The following PCDH15 variants were observed in gnomAD, a reference collection of about 807,000 sequenced individuals.
The protein encoded by PCDH15 is protocadherin-15.
Under a neutral mutation model 178.5 loss-of-function variants are expected in PCDH15, and 129 were observed. That is an observed-to-expected ratio of 0.72 (90% CI 0.63 to 0.84). PCDH15 has a LOEUF of 0.84. Among genes scored for constraint, PCDH15 ranks in the 40% least tolerant of loss-of-function variants. The pLI is 0.00. For missense variants in PCDH15, 2,230 were observed against 2,099.9 expected (o/e 1.06, Z -1.21); for synonymous variants, 800 against 732.0 (o/e 1.09, Z -1.50).
chr10:53,829,728 G>A (rs1414944086), intron 30 of PCDH15, among the ~76,000 whole-genome samples: 1 of 152,074 alleles, frequency 6.6e-6, no homozygotes, highest in African/African-American at 2.4e-5. Context: ...GGAATTACTT[G>A]AAAAGTAATG....
chr10:53,906,309 T>C (rs1240553018), intron 25 of PCDH15, among the ~76,000 whole-genome samples: 1 of 152,134 alleles, frequency 6.6e-6, no homozygotes, highest in African/African-American at 2.4e-5. Context: ...GTATCCCTCC[T>C]TTGAAATGCT....
chr10:54,188,268 G>A (rs1220633262), intron 11 of PCDH15, among the ~76,000 whole-genome samples: 1 of 151,810 alleles, frequency 6.6e-6, no homozygotes, highest in Non-Finnish European at 1.5e-5. Flanking sequence ...AGAGTAACTT[G>A]AGTCAACACT....
chr10:55,509,059 T>C (rs10763215), intron 2 of PCDH15, among the ~76,000 whole-genome samples: 47,960 of 151,416 alleles, frequency 0.32, 8,241 homozygotes, highest in East Asian at 0.51. Flanking sequence ...TTGATGCAAA[T>C]ACATGACAGA....
chr10:54,375,898 A>ATATATATAAT (rs1554938299), intron 4 of PCDH15, among the ~76,000 whole-genome samples: 5 of 139,570 alleles, frequency 3.6e-5, no homozygotes, highest in African/African-American at 8.1e-5. Flanking sequence ...TATATATATA[A>ATATATATAAT]TTTTTTTTCT....
intron 2 of PCDH15, among the ~76,000 whole-genome samples, chr10:55,109,223 A>G (rs1344513546): frequency 6.6e-6 from 1 of 152,224 alleles, no homozygotes; most frequent in African/African-American, 2.4e-5. Context: ...ACTAAGATTC[A>G]TAACCACTTC....
At chr10:55,348,148 C>T (rs1844813198) in intron 2 of PCDH15, among the ~76,000 whole-genome samples, 1 of 152,110 alleles carries the variant, frequency 6.6e-6, no homozygotes, top group Non-Finnish European at 1.5e-5. Flanking sequence ...TTGTCCCATG[C>T]TTCCCTTTCC....
intron 2 of PCDH15, among the ~76,000 whole-genome samples, chr10:54,583,688 C>G (rs1055648081): frequency 6.6e-6 from 1 of 152,076 alleles, no homozygotes; most frequent in African/African-American, 2.4e-5. Context: ...TCAACCATAT[C>G]AGTTGCTTCA....
chr10:54,965,901 T>C (rs1400375086), intron 2 of PCDH15, among the ~76,000 whole-genome samples: 1 of 150,834 alleles, frequency 6.6e-6, no homozygotes, highest in East Asian at 1.9e-4. Context: ...TGCACACATA[T>C]AATATATTAT....
chr10:54,905,506 CTAGT>C (rs1954704241), intron 2 of PCDH15, among the ~76,000 whole-genome samples: 1 of 152,032 alleles, frequency 6.6e-6, no homozygotes, highest in African/African-American at 2.4e-5. Flanking sequence ...TCTAATGCAA[CTAGT>C]TAATTATTTG....
intron 1 of PCDH15, among the ~76,000 whole-genome samples, chr10:54,666,508 G>A (rs2094573751): frequency 6.6e-6 from 1 of 151,936 alleles, no homozygotes; most frequent in African/African-American, 2.4e-5. Context: ...CTCTGAGAGA[G>A]ACATTCTAAC....
intron 3 of PCDH15, among the ~76,000 whole-genome samples, chr10:54,481,417 G>T (rs1294656010): frequency 6.6e-6 from 1 of 151,776 alleles, no homozygotes; most frequent in African/African-American, 2.4e-5. Flanking sequence ...ATGTGTGTGT[G>T]TGTGTTTGTG....
intron 29 of PCDH15, 81 bp from the exon 30 acceptor site, chr10:53,831,614 T>A: frequency 1.0e-6 from 1 of 996,138 alleles, no homozygotes; most frequent in East Asian, 2.6e-5. Context: ...TTGTAAGATC[T>A]TTCAATATTT....
At chr10:55,472,282 G>C (rs1450347907) in intron 2 of PCDH15, among the ~76,000 whole-genome samples, 3 of 151,942 alleles carry the variant, frequency 2.0e-5, no homozygotes, top group East Asian at 1.9e-4. Flanking sequence ...ATTTTTTTCA[G>C]ATTTCTCTAC....
At chr10:55,188,917 A>G (rs1238382753) in intron 1 of PCDH15, among the ~76,000 whole-genome samples, 3 of 151,956 alleles carry the variant, frequency 2.0e-5, no homozygotes, top group African/African-American at 7.2e-5. Context: ...AGAAACAGTT[A>G]CATGGAACTT....
intron 18 of PCDH15, among the ~76,000 whole-genome samples, chr10:54,063,694 G>A (rs1338701404): frequency 1.3e-5 from 2 of 152,156 alleles, no homozygotes; most frequent in Non-Finnish European, 2.9e-5. Flanking sequence ...GGCTAAATCC[G>A]ACACTTTGCC....
At chr10:54,888,202 G>T (rs1392388932) in intron 3 of PCDH15, among the ~76,000 whole-genome samples, 1 of 152,048 alleles carries the variant, frequency 6.6e-6, no homozygotes, top group East Asian at 1.9e-4. Context: ...GCTCTTCTCT[G>T]CTTTTGCCAT....
At chr10:55,609,619 C>T (rs1425245842) in intron 2 of PCDH15, among the ~76,000 whole-genome samples, 1 of 151,990 alleles carries the variant, frequency 6.6e-6, no homozygotes. Context: ...TATTCAAGTT[C>T]ATGTACACTG....
intron 3 of PCDH15, among the ~76,000 whole-genome samples, chr10:54,442,685 T>C (rs2075903038): frequency 6.6e-6 from 1 of 150,768 alleles, no homozygotes; most frequent in South Asian, 2.1e-4. Flanking sequence ...TGCTTAAAAA[T>C]GATTAAAATG....
At chr10:54,466,517 T>TTCTGTTTCATTTGTCTGTATG (rs1463114812) in intron 3 of PCDH15, among the ~76,000 whole-genome samples, 2 of 151,976 alleles carry the variant, frequency 1.3e-5, no homozygotes, top group African/African-American at 4.8e-5. Context: ...GACAATCTAT[T>TTCTGTTTCATTTGTCTGTATG]TCTGTTTTAT....
Sources: allele counts gnomAD v4.1 joint callset (sites outside exome capture counted in the v4.1 genomes callset), GRCh38; gene constraint gnomAD v4.1.1; transcripts MANE v1.5; gene names NCBI Gene and HGNC (gene_info 2026-07-23, HGNC 2026-07-21).